The following RCAN2 variants were observed in gnomAD, a reference collection of about 807,000 sequenced individuals.
RCAN2 encodes calcipressin-2.
RCAN2 carries 9 observed loss-of-function variants against 23.6 expected under a neutral mutation model. That is an observed-to-expected ratio of 0.38 (90% CI 0.23 to 0.67). The LOEUF is 0.67. Ranked by LOEUF, RCAN2 falls within the 30% of genes least tolerant of loss-of-function variation. The pLI is 0.51. For synonymous variants in RCAN2, 109 were observed against 115.7 expected, an observed-to-expected ratio of 0.94 and a Z score of 0.37; for missense variants, 273 against 302.3, an observed-to-expected ratio of 0.90 and a Z score of 0.72.
chr6:46,313,114 C>A (rs990549940), intron 2 of RCAN2, among the ~76,000 whole-genome samples: 4 of 152,140 alleles, frequency 2.6e-5, no homozygotes, highest in Non-Finnish European at 5.9e-5. Flanking sequence ...TCTTCCTTTC[C>A]CATCTTTCCT....
intron 2 of RCAN2, among the ~76,000 whole-genome samples, chr6:46,289,795 T>C (rs1762486445): frequency 6.6e-6 from 1 of 152,218 alleles, no homozygotes; most frequent in Non-Finnish European, 1.5e-5. Context: ...AATAGGACCC[T>C]CACCTCAAGT....
At chr6:46,388,117 G>C (rs140219095) in intron 2 of RCAN2, among the ~76,000 whole-genome samples, 38 of 152,080 alleles carry the variant, frequency 2.5e-4, no homozygotes, top group Admixed American at 2.0e-3. Context: ...GTGGGGGTAG[G>C]GGGGAGGGAA....
chr6:46,242,986 G>A (rs562707003), intron 4 of RCAN2, among the ~76,000 whole-genome samples: 1 of 152,336 alleles, frequency 6.6e-6, no homozygotes, highest in Admixed American at 6.5e-5. Context: ...CCCTCAGTAA[G>A]AAGTGAAGAT....
intron 2 of RCAN2, among the ~76,000 whole-genome samples, chr6:46,369,661 C>T (rs375621106): frequency 6.9e-4 from 105 of 152,150 alleles, no homozygotes; most frequent in African/African-American, 2.1e-3. Flanking sequence ...TGCAATTTCA[C>T]GTATATGTTT....
At chr6:46,362,295 G>A (rs574374599) in intron 2 of RCAN2, among the ~76,000 whole-genome samples, 4 of 152,106 alleles carry the variant, frequency 2.6e-5, no homozygotes, top group East Asian at 3.9e-4. Context: ...TTTGGATGTC[G>A]TTTAAGAGAA....
At chr6:46,455,731 C>T (rs953552623) in intron 2 of RCAN2, among the ~76,000 whole-genome samples, 3 of 151,744 alleles carry the variant, frequency 2.0e-5, no homozygotes, top group Admixed American at 6.6e-5. Context: ...TGATGGGCGC[C>T]TGTAGTCCCA....
At chr6:46,401,199 G>T (rs1385666932) in intron 2 of RCAN2, among the ~76,000 whole-genome samples, 2 of 152,170 alleles carry the variant, frequency 1.3e-5, no homozygotes, top group East Asian at 3.9e-4. Flanking sequence ...CTTCCCTGGA[G>T]CACAAGTTTG....
intron 2 of RCAN2, among the ~76,000 whole-genome samples, chr6:46,396,103 A>G (rs1766081305): frequency 6.6e-6 from 1 of 152,176 alleles, no homozygotes; most frequent in Non-Finnish European, 1.5e-5. Flanking sequence ...AGTTGCAGTT[A>G]ATTTCTTTCA....
intron 1 of RCAN2, among the ~76,000 whole-genome samples, chr6:46,480,857 C>T (rs908770475): frequency 2.0e-5 from 3 of 152,108 alleles, no homozygotes; most frequent in Non-Finnish European, 4.4e-5. Context: ...CTCCTGACCT[C>T]GTGATACGCC....
chr6:46,232,229 A>T (rs1765919870), intron 4 of RCAN2, among the ~76,000 whole-genome samples: 1 of 152,274 alleles, frequency 6.6e-6, no homozygotes, highest in Non-Finnish European at 1.5e-5. Context: ...CAAACTACGC[A>T]TATGCGGTAT....
rs528586071 is a variant in RCAN2 at position 46,441,436 on chromosome 6, A to G, written c.225+15316T>C. 2.0e-5 allele frequency among the ~76,000 whole-genome samples: 3 copies of G among 152,280 alleles called. No homozygotes were observed. In the East Asian group the frequency reaches 5.8e-4, roughly 29 times the overall value. ...CTCTTCCAACCTCAAGACACTTACA[A>G]TCACCCAGCTGGAATGTAAAGACTA... is the stretch of plus-strand genomic sequence containing the variant. On this transcript the variant is annotated intron_variant, in intron 2 of 4. Coordinates refer to ENST00000371374, the MANE Select transcript of RCAN2 (RefSeq NM_001251974.2).
At chr6:46,352,888 G>T (rs1481263864) in intron 2 of RCAN2, among the ~76,000 whole-genome samples, 1 of 152,198 alleles carries the variant, frequency 6.6e-6, no homozygotes, top group Non-Finnish European at 1.5e-5. Context: ...CGATGGGCAG[G>T]TTGGATGGCC....
intron 2 of RCAN2, among the ~76,000 whole-genome samples, chr6:46,302,379 G>C (rs905266487): frequency 6.6e-6 from 1 of 152,000 alleles, no homozygotes; most frequent in African/African-American, 2.4e-5. Context: ...CATTAGAGTT[G>C]AGTCATATTT....
At chr6:46,284,000 G>T (rs1162763452) in intron 2 of RCAN2, among the ~76,000 whole-genome samples, 1 of 152,030 alleles carries the variant, frequency 6.6e-6, no homozygotes, top group Non-Finnish European at 1.5e-5. Context: ...GGTGCCAGAT[G>T]GTTTAGAAAA....
intron 4 of RCAN2, among the ~76,000 whole-genome samples, chr6:46,224,188 G>C (rs1189716743): frequency 6.6e-6 from 1 of 152,146 alleles, no homozygotes; most frequent in East Asian, 1.9e-4. Context: ...CAAGCGGAAG[G>C]ACTCCAGGTG....
At position 46,221,397 on chromosome 6, in the gene RCAN2, A is replaced by G. The variant is rs1765472166; in HGVS notation, c.*1744T>C. ...AGAGGACACCATTTCTCCACTACTA[A>G]GTCTGTAGTCGTTTATCATCAATGA... On this transcript the variant is annotated 3_prime_UTR_variant, in exon 5 of 5. Transcript: ENST00000371374. The G allele has an allele frequency of 6.6e-6, 1 of 152,646 alleles. No homozygotes were observed. The highest frequency in any genetic ancestry group is 2.4e-5 in the African/African-American group (1 of 41,450). 9.5% of individuals were successfully genotyped at this position (152,646 alleles called of 1,614,324 possible).
intron 2 of RCAN2, among the ~76,000 whole-genome samples, chr6:46,271,701 G>T (rs764543730): frequency 4.6e-5 from 7 of 152,220 alleles, no homozygotes; most frequent in Non-Finnish European, 8.8e-5. Context: ...CTCAGTAAAT[G>T]TTGGTTTCTT....
intron 2 of RCAN2, among the ~76,000 whole-genome samples, chr6:46,313,534 A>AT (rs1238528096): frequency 1.3e-5 from 2 of 152,226 alleles, no homozygotes; most frequent in Admixed American, 1.3e-4. Context: ...TATAAGGAAA[A>AT]TCTTAAATAA....
At chr6:46,278,745 T>C (rs1001567123) in intron 2 of RCAN2, among the ~76,000 whole-genome samples, 5 of 152,220 alleles carry the variant, frequency 3.3e-5, no homozygotes, top group African/African-American at 1.2e-4. Context: ...TTTTGTACAA[T>C]GTCCCTTAAT....
Sources: allele counts gnomAD v4.1 joint callset (sites outside exome capture counted in the v4.1 genomes callset), GRCh38; gene constraint gnomAD v4.1.1; transcripts MANE v1.5; gene names NCBI Gene and HGNC (gene_info 2026-07-23, HGNC 2026-07-21).